Variants in FBN2 observed in about 807,000 individuals in gnomAD.
FBN2 encodes fibrillin-2.
In FBN2, 105 loss-of-function variants were observed where a neutral mutation model predicts 355.6. That is an observed-to-expected ratio of 0.30 (90% CI 0.25 to 0.35). The LOEUF (loss-of-function observed/expected upper bound fraction) is 0.35. Among genes scored for constraint, FBN2 ranks in the 10% least tolerant of loss-of-function variants. The pLI is 1.00. For synonymous variants in FBN2, 1,350 were observed against 1,301.2 expected (o/e 1.04, Z -0.81); for missense variants, 3,280 against 3,758.7 (o/e 0.87, Z 3.33).
At chr5:128,334,588 C>A in intron 31 of FBN2, 131 bp downstream of exon 31, 1 of 984,064 alleles carries the variant, frequency 1.0e-6, no homozygotes, top group Non-Finnish European at 1.6e-6. Flanking sequence ...AGGTCACACA[C>A]TCATCACACA....
At chr5:128,335,027 C>G in intron 30 of FBN2, 143 bp downstream of exon 30, 1 of 1,310,616 alleles carries the variant, frequency 7.6e-7, no homozygotes. Flanking sequence ...AGTAATTCTT[C>G]CTGAGATTTT....
chr5:128,274,226 CTAAAA>C (rs1765331174), intron 60 of FBN2, among the ~76,000 whole-genome samples: 3 of 152,094 alleles, frequency 2.0e-5, no homozygotes, highest in African/African-American at 7.2e-5. Context: ...CATGTGTCTT[CTAAAA>C]TAAAAGCTCA....
chr5:128,479,376 T>G (rs1285594311), intron 5 of FBN2, among the ~76,000 whole-genome samples: 5 of 152,198 alleles, frequency 3.3e-5, no homozygotes, highest in Non-Finnish European at 5.9e-5. Flanking sequence ...GTGACACGTG[T>G]GTATGCATAT....
Position 128,537,659 on chromosome 5 carries a change from A to T in FBN2, c.-56T>A. On this transcript the variant is annotated 5_prime_UTR_variant, in exon 1 of 65. Transcript: ENST00000262464. The stretch of plus-strand genomic sequence containing the variant: ...CCGCGGAGAGGGAGTGATCAAAGAC[A>T]AAATCTGCGCGCCTCAGAAAAGAGT... The T allele has an allele frequency of 6.5e-7, 1 of 1,546,732 alleles. No homozygotes were observed. The highest frequency in any genetic ancestry group is 1.4e-5 in the African/African-American group (1 of 73,780).
At chr5:128,336,191 A>G in intron 27 of FBN2, 78 bp from the exon 28 acceptor site, 1 of 1,429,824 alleles carries the variant, frequency 7.0e-7, no homozygotes, top group Non-Finnish European at 9.8e-7. Flanking sequence ...TCACCAGAGC[A>G]GTGGTCTCCA....
rs1287757995 is a variant in FBN2 at position 128,258,213 on chromosome 5, T to C, written c.*1242A>G. The C allele has an allele frequency of 6.6e-6, 1 of 152,610 alleles. No individual in the cohort carries two copies. Among genetic ancestry groups the C allele is most frequent in the Non-Finnish European group, 1.5e-5 (1 of 68,036 alleles). The allele number at this position is 152,610 out of a possible 1,614,324, so 9.5% of individuals were successfully genotyped here. A position where few individuals can be genotyped will look rare whatever the true frequency, so the allele number is the denominator to read the frequency against. ...AAACAGGTTCTTGGGTTGAGAAGAA[T>C]AATGGATACGTGCTCTTAATAGCAC... On this transcript the variant is annotated 3_prime_UTR_variant, in exon 65 of 65. Coordinates refer to ENST00000262464, the MANE Select transcript of FBN2 (RefSeq NM_001999.4).
intron 6 of FBN2, among the ~76,000 whole-genome samples, chr5:128,448,277 A>T (rs928045974): frequency 6.6e-6 from 1 of 151,588 alleles, no homozygotes; most frequent in Non-Finnish European, 1.5e-5. Context: ...CTGCCAATAC[A>T]TGATATTACT....
intron 48 of FBN2, among the ~76,000 whole-genome samples, chr5:128,296,446 G>A (rs1341289859): frequency 1.3e-5 from 2 of 151,622 alleles, no homozygotes; most frequent in East Asian, 1.9e-4. Flanking sequence ...GGTAGAATTC[G>A]GCTGTGAATC....
At chr5:128,393,412 T>C (rs1211680705) in intron 9 of FBN2, 44 bp from the exon 10 acceptor site, 1 of 1,548,022 alleles carries the variant, frequency 6.5e-7, no homozygotes, top group Non-Finnish European at 8.9e-7. Context: ...TGAATGTCTT[T>C]CTGCATAACA....
chr5:128,289,111 T>G lies in FBN2; in HGVS notation c.6637+16A>C. 2 of 1,613,868 alleles carry G rather than the reference T, an allele frequency of 1.2e-6. No homozygotes were observed. The highest frequency in any genetic ancestry group is 1.7e-6 in the Non-Finnish European group (2 of 1,179,752). The stretch of plus-strand genomic sequence containing the variant: ...AATAGAACTTTAAAATTCTGTAATG[T>G]GGAGCCAACACTCACCCACACAGCG... On this transcript the variant is annotated intron_variant, in intron 52 of 64. Transcript: ENST00000262464.
chr5:128,274,120 TA>T (rs1484371406), intron 60 of FBN2, 152 bp from the exon 61 acceptor site: 1 of 844,724 alleles, frequency 1.2e-6, no homozygotes, highest in East Asian at 2.6e-5. Context: ...ACTGTCATAT[TA>T]AAGACAAAAG....
intron 7 of FBN2, among the ~76,000 whole-genome samples, chr5:128,421,516 A>G (rs531133043): frequency 1.3e-5 from 2 of 152,350 alleles, no homozygotes; most frequent in South Asian, 4.1e-4. Flanking sequence ...TTCATGATTA[A>G]CAATTTGAGT....
intron 48 of FBN2, among the ~76,000 whole-genome samples, chr5:128,299,379 C>G (rs1373129815): frequency 6.7e-6 from 1 of 149,436 alleles, no homozygotes; most frequent in Non-Finnish European, 1.5e-5. Context: ...AGCTTCCGGG[C>G]TGCTTTGTTT....
chr5:128,326,530 G>T (rs544624843), intron 34 of FBN2, among the ~76,000 whole-genome samples: 1 of 152,276 alleles, frequency 6.6e-6, no homozygotes, highest in Non-Finnish European at 1.5e-5. Context: ...GAAATTCTGA[G>T]ACTTTGGTGA....
Position 128,259,245 on chromosome 5 carries a change from A to T in FBN2, c.*210T>A. 1 of 593,332 alleles carries T rather than the reference A, an allele frequency of 1.7e-6. No individual in the cohort carries two copies. The allele number at this position is 593,332 out of a possible 1,614,324, so 36.8% of individuals were successfully genotyped here. On this transcript the variant is annotated 3_prime_UTR_variant, in exon 65 of 65. Coordinates refer to ENST00000262464, the MANE Select transcript of FBN2 (RefSeq NM_001999.4). ...AATGAAGTTATATAAAAAATACAGT[A>T]ACCACGGTTGCCTTTGTGCTCAAAT... is the stretch of plus-strand genomic sequence containing the variant.
chr5:128,517,626 A>G (rs2112785347), intron 5 of FBN2, among the ~76,000 whole-genome samples: 1 of 152,316 alleles, frequency 6.6e-6, no homozygotes, highest in South Asian at 2.1e-4. Context: ...AATGTATGTG[A>G]AAAAGATTTT....
At chr5:128,328,931 C>CTGTTGTTTCATGTTA in intron 33 of FBN2, 110 bp from the exon 34 acceptor site, 2 of 1,096,858 alleles carry the variant, frequency 1.8e-6, no homozygotes, top group Non-Finnish European at 2.7e-6. Context: ...TGCTCATTAA[C>CTGTTGTTTCATGTTA]ATGAAACAAC....
At chr5:128,320,764 A>G (rs1202687579) in intron 34 of FBN2, among the ~76,000 whole-genome samples, 2 of 152,254 alleles carry the variant, frequency 1.3e-5, no homozygotes, top group Non-Finnish European at 2.9e-5. Flanking sequence ...AACAATTTGT[A>G]TGCATCAGAT....
chr5:128,519,236 A>G (rs762154654), intron 5 of FBN2, 37 bp downstream of exon 5: 1 of 1,387,920 alleles, frequency 7.2e-7, no homozygotes, highest in Admixed American at 1.7e-5. Flanking sequence ...AATAAAATAG[A>G]CTTCTTCAGA....
Sources: gnomAD v4.1 joint callset for allele counts (sites outside exome capture counted in the v4.1 genomes callset) on GRCh38, gnomAD v4.1.1 for gene constraint, MANE v1.5 for transcripts, NCBI Gene and HGNC (gene_info 2026-07-23, HGNC 2026-07-21) for gene names.